The following RAB11FIP3 variants were observed in gnomAD, a reference collection of about 807,000 sequenced individuals.
RAB11FIP3 encodes the protein RAB11 family interacting protein 3.
In RAB11FIP3, 17 loss-of-function variants were observed where a neutral mutation model predicts 77.8. The observed-to-expected ratio is 0.22, with a 90% confidence interval of 0.15 to 0.33. The LOEUF is 0.33. Ranked by LOEUF, RAB11FIP3 falls within the 10% of genes least tolerant of loss-of-function variation. The pLI is 1.00. For synonymous variants in RAB11FIP3, 437 were observed against 448.2 expected (o/e 0.98, Z 0.31); for missense variants, 1,005 against 1,011.2 (o/e 0.99, Z 0.08).
Position 509,505 on chromosome 16 carries a change from G to C in RAB11FIP3, c.1500-1155G>C, listed in dbSNP as rs184690941. 1.0e-4 allele frequency among the ~76,000 whole-genome samples: 16 copies of C among 152,400 alleles called. No individual in the cohort carries two copies. The East Asian group carries it at 3.1e-3, about 29-fold the overall frequency. ...AGAGGCTCTGTGCGAGGCAGGGCCA[G>C]AGGGCGTGGGCTGTGCTGTGTCAGT... is the stretch of plus-strand genomic sequence containing the variant. On this transcript the variant is annotated intron_variant, in intron 8 of 13. Coordinates refer to ENST00000262305, the MANE Select transcript of RAB11FIP3 (RefSeq NM_014700.4).
Position 461,347 on chromosome 16 carries a change from G to A in RAB11FIP3, c.715-57G>A. 1 of 1,452,382 alleles carries A rather than the reference G, an allele frequency of 6.9e-7. No individual in the cohort carries two copies. Among genetic ancestry groups the A allele is most frequent in the Non-Finnish European group, 9.6e-7 (1 of 1,046,524 alleles). The allele number at this position is 1,452,382 out of a possible 1,614,324, so 90.0% of individuals were successfully genotyped here. ...GATCTCTCCCAGTCCGAGGTCCAGG[G>A]TTGGGGACCCCTGCTGTAAAGGCTT... On this transcript the variant is annotated intron_variant, in intron 1 of 13. Transcript: ENST00000262305. This position sits in a 1 kb window ranked among gnomAD's most constrained non-coding sequence, Gnocchi z 4.5.
intron 4 of RAB11FIP3, among the ~76,000 whole-genome samples, chr16:487,020 A>G (rs560209831): frequency 2.6e-5 from 4 of 152,294 alleles, no homozygotes; most frequent in Admixed American, 1.3e-4. Flanking sequence ...GAAGGGAGCC[A>G]CACCTCCCTG....
chr16:466,842 A>C (rs2055708931), intron 2 of RAB11FIP3, among the ~76,000 whole-genome samples: 1 of 152,104 alleles, frequency 6.6e-6, no homozygotes, highest in South Asian at 2.1e-4. Context: ...TGGGCCTGGG[A>C]GGGCTCCTGC....
rs1410944539 is a variant in RAB11FIP3 at position 461,210 on chromosome 16, G to A, written c.715-194G>A. Among the ~76,000 whole-genome samples the A allele has an allele frequency of 6.6e-6, 1 of 152,136 alleles. No individual in the cohort carries two copies. Among genetic ancestry groups the A allele is most frequent in the Non-Finnish European group, 1.5e-5 (1 of 68,022 alleles). ...ATGCGGAGCACACAGTAGGCTTTGC[G>A]CTCCTGTGAGAAGAACCTGATGCTC... On this transcript the variant is annotated intron_variant, in intron 1 of 13. Coordinates refer to ENST00000262305, the MANE Select transcript of RAB11FIP3 (RefSeq NM_014700.4). The surrounding 1 kb of genome is among the most constrained non-coding windows in gnomAD (Gnocchi z 4.5).
chr16:436,925 C>G (rs2055139483), intron 1 of RAB11FIP3, among the ~76,000 whole-genome samples: 1 of 152,086 alleles, frequency 6.6e-6, no homozygotes, highest in African/African-American at 2.4e-5. Flanking sequence ...AAGAATAAGT[C>G]CTAGTGTTCT....
intron 1 of RAB11FIP3, among the ~76,000 whole-genome samples, chr16:442,263 C>T (rs531305255): frequency 2.6e-5 from 4 of 152,348 alleles, no homozygotes; most frequent in African/African-American, 7.2e-5. Context: ...CCTCAGCTTC[C>T]TGCGTAGGTG....
intron 4 of RAB11FIP3, among the ~76,000 whole-genome samples, chr16:487,248 A>C (rs993834414): frequency 2.0e-5 from 3 of 150,522 alleles, no homozygotes; most frequent in Admixed American, 1.3e-4. Context: ...CTCCTGTCTC[A>C]GCCTCCCGAG....
At chr16:496,764 T>TCCTCCTGCTC in intron 5 of RAB11FIP3, 60 bp from the exon 6 acceptor site, 16 of 1,507,856 alleles carry the variant, frequency 1.1e-5, no homozygotes, top group Non-Finnish European at 1.4e-5. Context: ...GTTTCCTGCT[T>TCCTCCTGCTC]CCTCCTGCTC....
chr16:467,956 G>A (rs1596236578), intron 2 of RAB11FIP3, among the ~76,000 whole-genome samples: 1 of 133,128 alleles, frequency 7.5e-6, no homozygotes, highest in Non-Finnish European at 1.6e-5. Context: ...CAGGGAGGAG[G>A]TGCTGGGGCG....
chr16:483,136 C>T (rs548091438), intron 4 of RAB11FIP3, among the ~76,000 whole-genome samples: 9 of 152,122 alleles, frequency 5.9e-5, no homozygotes, highest in Non-Finnish European at 1.2e-4. Context: ...CCCCGTATTT[C>T]GAGCTAGTTG....
At chr16:482,357 G>A in intron 3 of RAB11FIP3, 168 bp from the exon 4 acceptor site, 1 of 741,328 alleles carries the variant, frequency 1.3e-6, no homozygotes, top group South Asian at 1.5e-5. Context: ...CGCCCAGCCT[G>A]AATTGTGTTT....
Position 507,714 on chromosome 16 carries a change from G to T in RAB11FIP3, c.1499+2087G>T, listed in dbSNP as rs542537939. Among the ~76,000 whole-genome samples the T allele has an allele frequency of 3.9e-5, 6 of 152,364 alleles. No homozygotes were observed. Among genetic ancestry groups the T allele is most frequent in the African/African-American group, 1.4e-4 (6 of 41,582 alleles). On this transcript the variant is annotated intron_variant, in intron 8 of 13. Coordinates refer to ENST00000262305, the MANE Select transcript of RAB11FIP3 (RefSeq NM_014700.4). This position sits in a 1 kb window ranked among gnomAD's most constrained non-coding sequence, Gnocchi z 4.6. Reference sequence around the variant, plus strand: ...AGTTCCTGTGGCTGTTCCCTGTGGTGCTCACCTCCAACGTCCTAAACAACA... The same window carrying T: ...AGTTCCTGTGGCTGTTCCCTGTGGTTCTCACCTCCAACGTCCTAAACAACA...
chr16:519,412 G>A (rs1334780862), intron 10 of RAB11FIP3, among the ~76,000 whole-genome samples: 3 of 152,254 alleles, frequency 2.0e-5, no homozygotes, highest in African/African-American at 7.2e-5. Flanking sequence ...CTCCCAGGAA[G>A]GATATTCTCA....
chr16:520,470 C>A lies in RAB11FIP3; in HGVS notation c.2028C>A (p.Asn676Lys). Residue 676 changes from asparagine to lysine, a missense_variant, in exon 13 of 14, where the codon AAC becomes AAA. Around this residue, in one of 4 missense-constraint regions of RAB11FIP3, gnomAD observed 90 missense variants for 129.7 expected, o/e 0.69. Transcript: ENST00000262305. ...EVRRLKQDNR[N>K]LKEQNEELNG... ...TGCTGTGCCTTCAGGACAACCGCAA[C>A]CTGAAGGAGCAGAACGAGGAGCTGA... 4 of 1,613,500 alleles carry A rather than the reference C, an allele frequency of 2.5e-6. No individual in the cohort carries two copies. Among genetic ancestry groups the A allele is most frequent in the Non-Finnish European group, 1.7e-6 (2 of 1,180,024 alleles).
chr16:489,762 G>A (rs1054427808), intron 5 of RAB11FIP3, among the ~76,000 whole-genome samples: 1 of 139,898 alleles, frequency 7.1e-6, no homozygotes, highest in Non-Finnish European at 1.6e-5. Context: ...GAACCTGGGT[G>A]GAGGGCGGTG....
intron 6 of RAB11FIP3, among the ~76,000 whole-genome samples, chr16:502,128 C>T (rs183659397): frequency 4.1e-3 from 623 of 152,398 alleles, no homozygotes; most frequent in Non-Finnish European, 6.9e-3. Flanking sequence ...GAACACGCAC[C>T]TTTGCTGTTG....
rs544556013 is a variant in RAB11FIP3, at chr16:446,902, T to C, written c.715-14502T>C. On this transcript the variant is annotated intron_variant, in intron 1 of 13. Coordinates refer to ENST00000262305, the MANE Select transcript of RAB11FIP3 (RefSeq NM_014700.4). ...TTTTAGTAGATTCGGGGTTTCACCA[T>C]GTTGGCCAGGCTGGTCTTGAACTCC... 2.4e-3 allele frequency among the ~76,000 whole-genome samples: 368 copies of C among 152,124 alleles called. 3 individuals carry two copies. Among genetic ancestry groups the C allele is most frequent in the African/African-American group, 8.2e-3 (342 of 41,542 alleles).
At chr16:470,163 A>C (rs999031811) in intron 2 of RAB11FIP3, among the ~76,000 whole-genome samples, 4 of 151,684 alleles carry the variant, frequency 2.6e-5, no homozygotes, top group Admixed American at 6.6e-5. Flanking sequence ...TGCCCAGCTA[A>C]TTTTTACTAT....
chr16:431,695 C>T (rs1215780830), intron 1 of RAB11FIP3, among the ~76,000 whole-genome samples: 1 of 151,852 alleles, frequency 6.6e-6, no homozygotes, highest in African/African-American at 2.4e-5. Flanking sequence ...TTAACACAGA[C>T]ATAGACACAC....
Sources: allele counts gnomAD v4.1 joint callset (sites outside exome capture counted in the v4.1 genomes callset), GRCh38; gene constraint gnomAD v4.1.1; regional missense constraint gnomAD v4.1.1; non-coding constraint Gnocchi (gnomAD v3.1); transcripts MANE v1.5; gene names NCBI Gene and HGNC (gene_info 2026-07-23, HGNC 2026-07-21).